BCL11B: variants seen among roughly 807,000 people sequenced by gnomAD.
The protein encoded by BCL11B is B-cell lymphoma/leukemia 11B.
BCL11B carries 8 observed loss-of-function variants against 49.9 expected under a neutral mutation model. The observed-to-expected ratio is 0.16, with a 90% CI of 0.09 to 0.29. The LOEUF is 0.29. BCL11B is among the 10% of genes least tolerant of loss of function. The pLI, the probability that BCL11B is intolerant of heterozygous loss-of-function variation, is 1.00. For missense variants in BCL11B, 1,006 were observed against 1,351.0 expected (o/e 0.74, Z 4.00); for synonymous variants, 739 against 637.4 (o/e 1.16, Z -2.40).
rs544274215 is a variant in BCL11B, at chr14:99,200,352, C to G, written c.641-24157G>C. Among the ~76,000 whole-genome samples, 24 of 152,352 alleles carry G rather than the reference C, an allele frequency of 1.6e-4. No homozygotes were observed. The South Asian group carries it at 5.0e-3, about 32-fold the overall frequency. ...TTCGGAGCTGTGTCATTCCCACTCA[C>G]AAAGCCCAGGGCCGTGCCAGGCCAA... On this transcript the variant is annotated intron_variant, in intron 3 of 3. Transcript: ENST00000357195.
rs1886293823 is a variant in BCL11B, at chr14:99,171,649, C to CT, written c.*2501dup. ...TGCAAAGCAATAACAATATTAAGCA[C>CT]TTTTTTTCTACATACTTTTTCTACA... On this transcript the variant is annotated 3_prime_UTR_variant, in exon 4 of 4. Coordinates refer to ENST00000357195, the MANE Select transcript of BCL11B (RefSeq NM_138576.4). The CT allele has an allele frequency of 4.8e-6, 1 of 208,194 alleles. No homozygotes were observed. The highest frequency in any genetic ancestry group is 9.8e-6 in the Non-Finnish European group (1 of 102,266). The allele number at this position is 208,194 out of a possible 1,614,324, so 12.9% of individuals were successfully genotyped here. A position where few individuals can be genotyped will look rare whatever the true frequency, so the allele number is the denominator to read the frequency against.
chr14:99,189,799 A>T (rs1408035170), intron 3 of BCL11B, among the ~76,000 whole-genome samples: 1 of 152,130 alleles, frequency 6.6e-6, no homozygotes, highest in African/African-American at 2.4e-5. Flanking sequence ...GGGCTGGGAA[A>T]CTGCTGCCCA....
intron 1 of BCL11B, among the ~76,000 whole-genome samples, chr14:99,266,677 G>A (rs1889491879): frequency 6.6e-6 from 1 of 152,218 alleles, no homozygotes; most frequent in African/African-American, 2.4e-5. Context: ...GCTGATGGAA[G>A]CCCGTTCCTA....
intron 3 of BCL11B, among the ~76,000 whole-genome samples, chr14:99,217,305 CACTT>C (rs1887874050): frequency 2.6e-5 from 4 of 152,012 alleles, no homozygotes; most frequent in Non-Finnish European, 4.4e-5. Context: ...CAAATACATA[CACTT>C]ACATATACAC....
chr14:99,242,303 T>C lies in BCL11B; in HGVS notation c.428-10746A>G, dbSNP rs1050118039. On this transcript the variant is annotated intron_variant, in intron 2 of 3. Transcript: ENST00000357195. The surrounding 1 kb of genome is among the most constrained non-coding windows in gnomAD (Gnocchi z 4.4). ...GATCTTGTCCCCCTGCTTCCCTACC[T>C]TTTCTCGCAAACCATGTGGGCTGGG... Among the ~76,000 whole-genome samples, 5 of 152,204 alleles carry C rather than the reference T, an allele frequency of 3.3e-5. No homozygotes were observed. The highest frequency in any genetic ancestry group is 1.2e-4 in the African/African-American group (5 of 41,452).
chr14:99,192,549 C>T lies in BCL11B; in HGVS notation c.641-16354G>A, dbSNP rs961117927. On this transcript the variant is annotated intron_variant, in intron 3 of 3. Transcript: ENST00000357195. This position sits in a 1 kb window ranked among gnomAD's most constrained non-coding sequence, Gnocchi z 4.0. ...CGCCACACACACCCAGGCCCAGCCC[C>T]GCTGCCTCCTCTACCCTCCTGCTGT... Among the ~76,000 whole-genome samples the T allele has an allele frequency of 3.3e-5, 5 of 152,190 alleles. No homozygotes were observed. The highest frequency in any genetic ancestry group is 6.5e-5 in the Admixed American group (1 of 15,284).
At chr14:99,252,178 C>T (rs563846277) in intron 2 of BCL11B, among the ~76,000 whole-genome samples, 16 of 152,068 alleles carry the variant, frequency 1.1e-4, no homozygotes, top group Non-Finnish European at 2.1e-4. Flanking sequence ...CACTATTCCT[C>T]GGTGCAGACA....
At chr14:99,217,371 TAC>T (rs1566814726) in intron 3 of BCL11B, among the ~76,000 whole-genome samples, 2 of 145,106 alleles carry the variant, frequency 1.4e-5, no homozygotes, top group Non-Finnish European at 3.0e-5. Context: ...AGTACAAATA[TAC>T]ACACACATAC....
intron 3 of BCL11B, among the ~76,000 whole-genome samples, chr14:99,191,213 T>C (rs1348989576): frequency 5.2e-5 from 1 of 19,382 alleles, no homozygotes; most frequent in Admixed American, 2.0e-4. Flanking sequence ...TGAAGGGGCT[T>C]GGGCTTTGGG....
At chr14:99,246,685 A>G (rs1400886141) in intron 2 of BCL11B, among the ~76,000 whole-genome samples, 4 of 151,266 alleles carry the variant, frequency 2.6e-5, no homozygotes, top group Non-Finnish European at 4.4e-5. Flanking sequence ...GAAGGGGGCT[A>G]TGGACCCCAA....
rs1256260874 is a variant in BCL11B, at chr14:99,232,448, C to T, written c.428-891G>A. On this transcript the variant is annotated intron_variant, in intron 2 of 3. Transcript: ENST00000357195. The surrounding 1 kb of genome is among the most constrained non-coding windows in gnomAD (Gnocchi z 5.1). ...ACCACAAGTGAAGAAGCCCAAATTC[C>T]CTGGGTAAATAATTGAGCAGGGAAG... is the stretch of plus-strand genomic sequence containing the variant. 6.6e-6 allele frequency among the ~76,000 whole-genome samples: 1 copy of T among 152,204 alleles called. No individual in the cohort carries two copies. Among genetic ancestry groups the T allele is most frequent in the Non-Finnish European group, 1.5e-5 (1 of 68,030 alleles).
intron 3 of BCL11B, among the ~76,000 whole-genome samples, chr14:99,183,357 G>A (rs1262748498): frequency 6.6e-6 from 1 of 152,168 alleles, no homozygotes; most frequent in Non-Finnish European, 1.5e-5. Context: ...CAGACTCCAA[G>A]CTCCTTGAGG....
In BCL11B at chr14:99,241,674, T is replaced by C. The variant is rs1158151335; in HGVS notation, c.428-10117A>G. 6.6e-6 allele frequency among the ~76,000 whole-genome samples: 1 copy of C among 152,114 alleles called. No individual in the cohort carries two copies. Among genetic ancestry groups the C allele is most frequent in the Non-Finnish European group, 1.5e-5 (1 of 68,032 alleles). Reference sequence around the variant, plus strand: ...TGTCCCTGTGCTGTAGGGGGGACGATGTCGCTTTTTTCCCCCTTCCCTAAG... The same window carrying C: ...TGTCCCTGTGCTGTAGGGGGGACGACGTCGCTTTTTTCCCCCTTCCCTAAG... On this transcript the variant is annotated intron_variant, in intron 2 of 3. Transcript: ENST00000357195. The surrounding 1 kb of genome is among the most constrained non-coding windows in gnomAD (Gnocchi z 4.4).
chr14:99,252,541 C>T (rs1343052204), intron 2 of BCL11B, among the ~76,000 whole-genome samples: 1 of 152,224 alleles, frequency 6.6e-6, no homozygotes. Flanking sequence ...AAACCAAACC[C>T]TTATCTGTGC....
intron 3 of BCL11B, among the ~76,000 whole-genome samples, chr14:99,224,800 C>T (rs1039616226): frequency 2.6e-5 from 4 of 152,204 alleles, no homozygotes; most frequent in African/African-American, 9.6e-5. Context: ...CACATACTCA[C>T]TCCCATTCAC....
At position 99,248,506 on chromosome 14, in the gene BCL11B, A is replaced by G. The variant is rs1888912640; in HGVS notation, c.427+8965T>C. On this transcript the variant is annotated intron_variant, in intron 2 of 3. Transcript: ENST00000357195. The surrounding 1 kb of genome is among the most constrained non-coding windows in gnomAD (Gnocchi z 4.7). ...TTCAGGGTACACTCATCACAAAGAA[A>G]AGAATGCCAAACCACACAGGGACAT... 6.6e-6 allele frequency among the ~76,000 whole-genome samples: 1 copy of G among 152,060 alleles called. No homozygotes were observed. The highest frequency in any genetic ancestry group is 1.5e-5 in the Non-Finnish European group (1 of 68,016).
rs1468154859 is a variant in BCL11B at position 99,228,356 on chromosome 14, T to G, written c.640+2989A>C. On this transcript the variant is annotated intron_variant, in intron 3 of 3. Transcript: ENST00000357195. This position sits in a 1 kb window ranked among gnomAD's most constrained non-coding sequence, Gnocchi z 4.8. The stretch of plus-strand genomic sequence containing the variant: ...CACAAAGGGACAAAAAACACCAGAA[T>G]AGGATAGTTTCAGGTATTCAAATTG... Among the ~76,000 whole-genome samples, 1 of 152,088 alleles carries G rather than the reference T, an allele frequency of 6.6e-6. No individual in the cohort carries two copies. The highest frequency in any genetic ancestry group is 2.4e-5 in the African/African-American group (1 of 41,414).
Position 99,213,546 on chromosome 14 carries a change from C to A in BCL11B, c.640+17799G>T, listed in dbSNP as rs1595251533. 1.3e-5 allele frequency among the ~76,000 whole-genome samples: 2 copies of A among 152,178 alleles called. No homozygotes were observed. The highest frequency in any genetic ancestry group is 3.9e-4 in the East Asian group (2 of 5,186). On this transcript the variant is annotated intron_variant, in intron 3 of 3. Coordinates refer to ENST00000357195, the MANE Select transcript of BCL11B (RefSeq NM_138576.4). The surrounding 1 kb of genome is among the most constrained non-coding windows in gnomAD (Gnocchi z 5.1). Reference sequence around the variant, plus strand: ...AGGGAAATATTGTCTAAGAAACACTCATTTTACTCCACGGGCAATGGTAAG... The same window carrying A: ...AGGGAAATATTGTCTAAGAAACACTAATTTTACTCCACGGGCAATGGTAAG...
At position 99,190,271 on chromosome 14, in the gene BCL11B, G is replaced by A. The variant is rs571891820; in HGVS notation, c.641-14076C>T. ...TGGGAGGCCAAAGCGGGCAGATCACGAGGTCAGGAGATCAAGACCATCTTG... is the reference window on the plus strand; with the variant it reads ...TGGGAGGCCAAAGCGGGCAGATCACAAGGTCAGGAGATCAAGACCATCTTG... On this transcript the variant is annotated intron_variant, in intron 3 of 3. Coordinates refer to ENST00000357195, the MANE Select transcript of BCL11B (RefSeq NM_138576.4). Among the ~76,000 whole-genome samples the A allele has an allele frequency of 1.3e-4, 20 of 152,284 alleles. 1 individual carries two copies. Among genetic ancestry groups the A allele is most frequent in the South Asian group, 1.0e-3 (5 of 4,822 alleles).
Sources: allele counts gnomAD v4.1 joint callset (sites outside exome capture counted in the v4.1 genomes callset), GRCh38; gene constraint gnomAD v4.1.1; non-coding constraint Gnocchi (gnomAD v3.1); transcripts MANE v1.5; gene names NCBI Gene and HGNC (gene_info 2026-07-23, HGNC 2026-07-21).